The following RPS6KA5 variants were observed in gnomAD, a reference collection of about 807,000 sequenced individuals.
RPS6KA5 encodes the protein ribosomal protein S6 kinase alpha-5.
A neutral mutation model predicts 85.5 loss-of-function variants in RPS6KA5; 27 were observed. That is an observed-to-expected ratio of 0.32 (90% confidence interval 0.23 to 0.44). The LOEUF (loss-of-function observed/expected upper bound fraction) is 0.44. Among genes scored for constraint, RPS6KA5 ranks in the 20% least tolerant of loss-of-function variants. The probability of loss-of-function intolerance (pLI) is 1.00; values close to 1 mark genes in which losing one functional copy is unlikely to be tolerated. For missense variants in RPS6KA5, 811 were observed against 980.9 expected (o/e 0.83, Z 2.31); for synonymous variants, 334 against 348.2 (o/e 0.96, Z 0.46).
At chr14:91,023,930 A>G (rs539219932) in intron 1 of RPS6KA5, among the ~76,000 whole-genome samples, 1 of 152,330 alleles carries the variant, frequency 6.6e-6, no homozygotes, top group African/African-American at 2.4e-5. Flanking sequence ...CCCAGTACCT[A>G]GTAAGCCATT....
rs990269938 is a variant in RPS6KA5 at position 90,867,831 on chromosome 14, C to T, written c.*4243G>A. ...CTAATAGTAGGAAAATATTAGGCAC[C>T]TACTTAATTCACAAATTCATGAAAC... On this transcript the variant is annotated 3_prime_UTR_variant, in exon 17 of 17. Coordinates refer to ENST00000614987, the MANE Select transcript of RPS6KA5 (RefSeq NM_004755.4). The T allele has an allele frequency of 6.6e-6, 1 of 152,158 alleles. No homozygotes were observed. The highest frequency in any genetic ancestry group is 1.5e-5 in the Non-Finnish European group (1 of 68,018). 9.4% of individuals were successfully genotyped at this position (152,158 alleles called of 1,614,324 possible). A position where few individuals can be genotyped will look rare whatever the true frequency, so the allele number is the denominator to read the frequency against.
At chr14:91,023,340 C>T (rs1566876560) in intron 1 of RPS6KA5, among the ~76,000 whole-genome samples, 1 of 151,512 alleles carries the variant, frequency 6.6e-6, no homozygotes, top group Non-Finnish European at 1.5e-5. Context: ...CCAGGCTGGA[C>T]TGCAATGGTG....
chr14:90,848,989 G>C lies in RPS6KA5; in HGVS notation c.*23085C>G, dbSNP rs2031850337. On this transcript the variant is annotated 3_prime_UTR_variant, in exon 17 of 17. Coordinates refer to ENST00000614987, the MANE Select transcript of RPS6KA5 (RefSeq NM_004755.4). ...TGGCAAAGATCAACAAAAGAAAAGA[G>C]TCCACCGCACTCCAGCCTGGGCAAC... is the stretch of plus-strand genomic sequence containing the variant. 6.6e-6 allele frequency: 1 copy of C among 151,992 alleles called. No individual in the cohort carries two copies. The highest frequency in any genetic ancestry group is 1.5e-5 in the Non-Finnish European group (1 of 68,016). 9.4% of individuals were successfully genotyped at this position (151,992 alleles called of 1,614,324 possible). A position where few individuals can be genotyped will look rare whatever the true frequency, so the allele number is the denominator to read the frequency against.
rs183600789 is a variant in RPS6KA5, at chr14:91,002,214, A to C, written c.104-1055T>G. Among the ~76,000 whole-genome samples the C allele has an allele frequency of 2.3e-3, 343 of 152,256 alleles. 1 individual carries two copies. Among genetic ancestry groups the C allele is most frequent in the African/African-American group, 7.7e-3 (318 of 41,566 alleles). On this transcript the variant is annotated intron_variant, in intron 1 of 16. Coordinates refer to ENST00000614987, the MANE Select transcript of RPS6KA5 (RefSeq NM_004755.4). ...ATAAAAACACCTATCCTCAAAGCAT[A>C]CTGATATCTGTGATTTACTTTGAAA...
intron 7 of RPS6KA5, among the ~76,000 whole-genome samples, chr14:90,915,235 T>C (rs1164505700): frequency 1.3e-5 from 2 of 152,200 alleles, no homozygotes; most frequent in African/African-American, 4.8e-5. Context: ...GTAGGCAGAC[T>C]TTGAAGATGG....
At chr14:90,984,220 A>G (rs1049636193) in intron 2 of RPS6KA5, among the ~76,000 whole-genome samples, 1 of 152,330 alleles carries the variant, frequency 6.6e-6, no homozygotes, top group East Asian at 1.9e-4. Context: ...TAGAGGTTCT[A>G]CTTTTTGAGA....
At chr14:91,016,755 C>A (rs763302016) in intron 1 of RPS6KA5, among the ~76,000 whole-genome samples, 14 of 151,034 alleles carry the variant, frequency 9.3e-5, no homozygotes, top group Admixed American at 6.6e-4. Context: ...AACTTATGGA[C>A]TATCACCAAT....
At chr14:90,951,701 T>C (rs2038198701) in intron 3 of RPS6KA5, among the ~76,000 whole-genome samples, 1 of 152,150 alleles carries the variant, frequency 6.6e-6, no homozygotes, top group South Asian at 2.1e-4. Context: ...TATTTCTTAC[T>C]GGGAGGACAA....
chr14:90,897,291 G>A (rs1289832992), intron 12 of RPS6KA5, among the ~76,000 whole-genome samples: 1 of 152,116 alleles, frequency 6.6e-6, no homozygotes, highest in Admixed American at 6.5e-5. Context: ...AACCAGCTCT[G>A]GTGACAGCTT....
chr14:90,978,549 A>G, intron 2 of RPS6KA5, 25 bp from the exon 3 acceptor site: 2 of 1,534,690 alleles, frequency 1.3e-6, no homozygotes, highest in Non-Finnish European at 1.8e-6. Flanking sequence ...AAAAAATAAA[A>G]AGAATTAAAA....
intron 3 of RPS6KA5, among the ~76,000 whole-genome samples, chr14:90,965,296 C>G (rs1170891024): frequency 6.6e-6 from 1 of 152,010 alleles, no homozygotes; most frequent in African/African-American, 2.4e-5. Flanking sequence ...GAGGCTTGAA[C>G]CTGGGAGGTG....
intron 7 of RPS6KA5, among the ~76,000 whole-genome samples, chr14:90,907,453 G>A (rs1844784822): frequency 6.6e-6 from 1 of 152,192 alleles, no homozygotes; most frequent in Non-Finnish European, 1.5e-5. Flanking sequence ...GACCTGTAGA[G>A]TGCTTAACAT....
Position 90,902,888 on chromosome 14 carries a change from TACTC to T in RPS6KA5, c.1035_1038del (p.Ser346ThrfsTer45). On this transcript the variant is annotated frameshift_variant, in exon 9 of 17. Transcript: ENST00000614987. LOFTEE classifies it high-confidence loss of function. ...ATTTCTGTGAACTCTTCTGCAAAGT[TACTC>T]ACATCTAATTCATCTCGAATGACTG... 6.2e-7 allele frequency: 1 copy of T among 1,614,106 alleles called. No individual in the cohort carries two copies.
intron 2 of RPS6KA5, among the ~76,000 whole-genome samples, chr14:90,980,164 TTATC>T (rs1395904007): frequency 3.3e-5 from 5 of 152,194 alleles, no homozygotes; most frequent in African/African-American, 1.2e-4. Flanking sequence ...AAAAAAATGT[TTATC>T]TATTCAGAAG....
chr14:91,023,180 C>T (rs2041857117), intron 1 of RPS6KA5, among the ~76,000 whole-genome samples: 1 of 150,980 alleles, frequency 6.6e-6, no homozygotes, highest in Non-Finnish European at 1.5e-5. Flanking sequence ...ATATTAAGTG[C>T]TCACCATCAG....
At chr14:90,919,216 C>T (rs970442877) in intron 7 of RPS6KA5, among the ~76,000 whole-genome samples, 1 of 152,152 alleles carries the variant, frequency 6.6e-6, no homozygotes, top group East Asian at 1.9e-4. Flanking sequence ...TCCTGAACTG[C>T]GTCTGGGTTT....
At chr14:90,941,817 G>A (rs1266461597) in intron 5 of RPS6KA5, among the ~76,000 whole-genome samples, 1 of 152,182 alleles carries the variant, frequency 6.6e-6, no homozygotes, top group African/African-American at 2.4e-5. Context: ...CCTTTGGAGT[G>A]CATGTCTATC....
chr14:90,949,780 T>C (rs567451410), intron 3 of RPS6KA5, among the ~76,000 whole-genome samples: 4 of 152,200 alleles, frequency 2.6e-5, no homozygotes, highest in African/African-American at 9.7e-5. Context: ...TACTTATGAA[T>C]TATTGTTACT....
rs1334267301 is a variant in RPS6KA5 at position 90,865,213 on chromosome 14, T to A, written c.*6861A>T. The A allele has an allele frequency of 2.0e-5, 3 of 152,210 alleles. No homozygotes were observed. Among genetic ancestry groups the A allele is most frequent in the Admixed American group, 2.0e-4 (3 of 15,270 alleles). The allele number at this position is 152,210 out of a possible 1,614,324, so 9.4% of individuals were successfully genotyped here. A position where few individuals can be genotyped will look rare whatever the true frequency, so the allele number is the denominator to read the frequency against. ...CATTAAAATATATGCACAAGAATGC[T>A]TATGGCTGCTTTAAACACAAAAGCT... On this transcript the variant is annotated 3_prime_UTR_variant, in exon 17 of 17. Transcript: ENST00000614987.
Sources: allele counts gnomAD v4.1 joint callset (sites outside exome capture counted in the v4.1 genomes callset), GRCh38; gene constraint gnomAD v4.1.1; transcripts MANE v1.5; gene names NCBI Gene and HGNC (gene_info 2026-07-23, HGNC 2026-07-21).